Variants in CRK observed in about 807,000 individuals in gnomAD.
CRK encodes adapter molecule crk.
CRK carries 4 observed loss-of-function variants against 29.8 expected under a neutral mutation model. The observed-to-expected ratio is 0.13, with a 90% confidence interval of 0.07 to 0.31. The LOEUF is 0.31. Among genes scored for constraint, CRK ranks in the 10% least tolerant of loss-of-function variants. The probability of loss-of-function intolerance (pLI) is 1.00; values close to 1 mark genes in which losing one functional copy is unlikely to be tolerated. For missense variants in CRK, 274 were observed against 396.5 expected (o/e 0.69, Z 2.62); for synonymous variants, 153 against 164.9 (o/e 0.93, Z 0.55).
At chr17:1,438,556 C>T (rs1278204178) in intron 1 of CRK, among the ~76,000 whole-genome samples, 6 of 151,420 alleles carry the variant, frequency 4.0e-5, no homozygotes, top group Non-Finnish European at 1.5e-5. Flanking sequence ...TTCCCGAGAT[C>T]GTAAATAAAA....
At chr17:1,440,177 T>C (rs1280574168) in intron 1 of CRK, among the ~76,000 whole-genome samples, 1 of 151,944 alleles carries the variant, frequency 6.6e-6, no homozygotes, top group African/African-American at 2.4e-5. Flanking sequence ...TGGGCACCTG[T>C]AGTCCCAGCT....
At chr17:1,429,020 G>T (rs185091481) in intron 2 of CRK, among the ~76,000 whole-genome samples, 1 of 150,746 alleles carries the variant, frequency 6.6e-6, no homozygotes, top group African/African-American at 2.4e-5. Context: ...TAATTTTTTC[G>T]CATTTTTAGT....
intron 1 of CRK, among the ~76,000 whole-genome samples, chr17:1,453,572 A>G (rs925637001): frequency 5.9e-5 from 9 of 152,214 alleles, no homozygotes; most frequent in South Asian, 2.1e-4. Flanking sequence ...AAGATCTAGG[A>G]TAATTTGTGA....
At chr17:1,452,608 T>G (rs1275246124) in intron 1 of CRK, among the ~76,000 whole-genome samples, 1 of 151,906 alleles carries the variant, frequency 6.6e-6, no homozygotes, top group Non-Finnish European at 1.5e-5. Flanking sequence ...GCCAACATGG[T>G]GAAACCCCAT....
At chr17:1,436,448 C>T (rs1367034466) in intron 2 of CRK, among the ~76,000 whole-genome samples, 172 bp downstream of exon 2, 1 of 152,164 alleles carries the variant, frequency 6.6e-6, no homozygotes, top group East Asian at 1.9e-4. Flanking sequence ...CATTCCCAAA[C>T]AGGTTTTCTA....
At chr17:1,438,366 G>A (rs1486307286) in intron 1 of CRK, among the ~76,000 whole-genome samples, 1 of 152,122 alleles carries the variant, frequency 6.6e-6, no homozygotes, top group Non-Finnish European at 1.5e-5. Context: ...CTGGGCTCAA[G>A]CAATCCTTCG....
chr17:1,447,305 G>T (rs2073983012), intron 1 of CRK, among the ~76,000 whole-genome samples: 1 of 151,854 alleles, frequency 6.6e-6, no homozygotes, highest in Non-Finnish European at 1.5e-5. Context: ...TCAATGACTT[G>T]TTCTACATCA....
chr17:1,449,441 C>T (rs751068266), intron 1 of CRK, among the ~76,000 whole-genome samples: 1 of 152,128 alleles, frequency 6.6e-6, no homozygotes, highest in Non-Finnish European at 1.5e-5. Flanking sequence ...ACTTAGTATG[C>T]CAGTACTGAA....
chr17:1,440,749 A>G (rs2073928893), intron 1 of CRK, among the ~76,000 whole-genome samples: 1 of 152,154 alleles, frequency 6.6e-6, no homozygotes, highest in Non-Finnish European at 1.5e-5. Context: ...CAAACAAAAA[A>G]ACCATTAGCC....
At chr17:1,432,812 A>G (rs1283357645) in intron 2 of CRK, among the ~76,000 whole-genome samples, 1 of 152,062 alleles carries the variant, frequency 6.6e-6, no homozygotes. Flanking sequence ...AACAAAGACA[A>G]TATAAGATTG....
At chr17:1,424,067 G>GTTTTT (rs58338503) in intron 2 of CRK, among the ~76,000 whole-genome samples, 61 of 109,822 alleles carry the variant, frequency 5.6e-4, no homozygotes, top group Non-Finnish European at 7.3e-4. Flanking sequence ...AGCTTTCTCC[G>GTTTTT]TTTTTTTTTT....
intron 1 of CRK, among the ~76,000 whole-genome samples, chr17:1,446,198 A>T (rs982392914): frequency 1.4e-4 from 21 of 152,212 alleles, no homozygotes; most frequent in African/African-American, 5.1e-4. Context: ...GCTGGTGAAC[A>T]AGGAGAAAGC....
intron 1 of CRK, among the ~76,000 whole-genome samples, chr17:1,448,436 C>G (rs1598304600): frequency 6.6e-6 from 1 of 151,766 alleles, no homozygotes; most frequent in South Asian, 2.1e-4. Context: ...CCAGCCTGAT[C>G]AACATGGTGA....
intron 1 of CRK, among the ~76,000 whole-genome samples, chr17:1,446,163 G>C (rs972083047): frequency 6.6e-6 from 1 of 152,138 alleles, no homozygotes. Flanking sequence ...AGCATTGTTG[G>C]AGATAACACA....
chr17:1,444,598 G>GGGGC (rs1555654447), intron 1 of CRK, among the ~76,000 whole-genome samples: 4 of 144,762 alleles, frequency 2.8e-5, no homozygotes, highest in Non-Finnish European at 4.6e-5. Flanking sequence ...GCCGAAGCGG[G>GGGGC]GGGGGGGATC....
intron 2 of CRK, chr17:1,424,821 G>C (rs1312175293): frequency 1.3e-5 from 2 of 152,048 alleles, no homozygotes; most frequent in African/African-American, 4.8e-5. Context: ...TTTGAGACCA[G>C]CCTGAGCAAC....
In CRK at chr17:1,436,687, G is replaced by C. The variant is rs747824545; in HGVS notation, c.710C>G (p.Pro237Arg). 1 of 1,612,438 alleles carries C rather than the reference G, an allele frequency of 6.2e-7. No homozygotes were observed. The highest frequency in any genetic ancestry group is 8.5e-7 in the Non-Finnish European group (1 of 1,179,448). ...NTPLPNLQNG[P>R]IYARVIQKRV... Reference sequence around the variant, plus strand: ...CTTCTGGATAACCCTGGCATATATGGGCCCATTCTGGAGGTTAGGGAGCGG... The same window carrying C: ...CTTCTGGATAACCCTGGCATATATGCGCCCATTCTGGAGGTTAGGGAGCGG... Residue 237 changes from proline to arginine, a missense_variant, in exon 2 of 3, where the codon CCC becomes CGC. By Grantham distance (103) the Pro-to-Arg change is moderately radical. This residue lies in a region of CRK where 121 missense variants were observed against 154.3 expected (regional missense o/e 0.78). Coordinates refer to ENST00000300574, the MANE Select transcript of CRK (RefSeq NM_016823.4).
intron 2 of CRK, among the ~76,000 whole-genome samples, chr17:1,435,981 T>C (rs1239111981): frequency 6.6e-6 from 1 of 151,998 alleles, no homozygotes; most frequent in African/African-American, 2.4e-5. Flanking sequence ...CAGAAGGAAG[T>C]GGGCTGCCAA....
intron 2 of CRK, among the ~76,000 whole-genome samples, chr17:1,425,847 G>A (rs928320473): frequency 6.6e-6 from 1 of 152,104 alleles, no homozygotes; most frequent in East Asian, 1.9e-4. Context: ...GAAAAGGAGG[G>A]ACAGAAAGAA....
Sources: gnomAD v4.1 joint callset for allele counts (sites outside exome capture counted in the v4.1 genomes callset) on GRCh38, gnomAD v4.1.1 for gene constraint, gnomAD v4.1.1 regional missense constraint, MANE v1.5 for transcripts, NCBI Gene and HGNC (gene_info 2026-07-23, HGNC 2026-07-21) for gene names.